The following RHBDL1 variants were observed in gnomAD, a reference collection of about 807,000 sequenced individuals.
The protein encoded by RHBDL1 is rhomboid-related protein 1.
In RHBDL1, 21 loss-of-function variants were observed where a neutral mutation model predicts 34.0. The observed-to-expected ratio is 0.62, with a 90% confidence interval of 0.44 to 0.89. The LOEUF is 0.89. Ranked by LOEUF, RHBDL1 falls within the 40% of genes least tolerant of loss-of-function variation. The pLI, the probability that RHBDL1 is intolerant of heterozygous loss-of-function variation, is 0.00. For missense variants in RHBDL1, 450 were observed against 530.6 expected, an observed-to-expected ratio of 0.85 and a Z score of 1.49; for synonymous variants, 268 against 234.8, an observed-to-expected ratio of 1.14 and a Z score of -1.29.
Position 675,743 on chromosome 16 carries a change from TCCCG to T in RHBDL1, c.-47_-44del. 1.5e-6 allele frequency: 2 copies of T among 1,317,984 alleles called. No individual in the cohort carries two copies. Among genetic ancestry groups the T allele is most frequent in the South Asian group, 2.9e-5 (2 of 69,438 alleles). 81.6% of individuals were successfully genotyped at this position (1,317,984 alleles called of 1,614,324 possible). ...GCGGAGTCGTCCGCAGAGCAGCCCC[TCCCG>T]GCCGCGGCCGCCGACCCCGGACCCC... On this transcript the variant is annotated 5_prime_UTR_variant, in exon 1 of 8. Coordinates refer to ENST00000352681, the MANE Select transcript of RHBDL1 (RefSeq NM_001278720.2).
chr16:677,161 C>CATT (rs1357264703), intron 4 of RHBDL1, 42 bp downstream of exon 4: 1 of 1,583,114 alleles, frequency 6.3e-7, no homozygotes, highest in Admixed American at 1.7e-5. Flanking sequence ...CCCAACCTGC[C>CATT]ATTACATCAG....
At position 677,655 on chromosome 16, in the gene RHBDL1, G is replaced by A. The variant is rs1338990779; in HGVS notation, c.806G>A (p.Arg269Lys). 6.4e-7 allele frequency: 1 copy of A among 1,571,524 alleles called. No individual in the cohort carries two copies. The highest frequency in any genetic ancestry group is 2.3e-5 in the East Asian group (1 of 44,436). ...ANVVMNWAGM[R>K]CPYKLLRMVL... ...CACCCATAGAACTGGGCTGGGATGA[G>A]ATGTCCCTACAAGTTGCTGAGGATG... Residue 269 changes from arginine (R) to lysine (K), a missense_variant, in exon 7 of 8, where the codon AGA becomes AAA. By Grantham distance (26) the Arg-to-Lys change is conservative. Transcript: ENST00000352681.
rs912212032 is a variant in RHBDL1, at chr16:678,183, G to A, written c.*131G>A. The A allele has an allele frequency of 3.6e-6, 5 of 1,397,342 alleles. No individual in the cohort carries two copies. The African/African-American group carries it at 7.4e-5, about 21-fold the overall frequency. 86.6% of individuals were successfully genotyped at this position (1,397,342 alleles called of 1,614,324 possible). A position where few individuals can be genotyped will look rare whatever the true frequency, so the allele number is the denominator to read the frequency against. ...CCCTTGGGTGTGGGTGGCCTCAAAG[G>A]AGGCCCTGTCCCAGCCACCCACCCC... On this transcript the variant is annotated 3_prime_UTR_variant, in exon 8 of 8. Coordinates refer to ENST00000352681, the MANE Select transcript of RHBDL1 (RefSeq NM_001278720.2).
Position 678,211 on chromosome 16 carries a change from A to G in RHBDL1, c.*159A>G, listed in dbSNP as rs2039588430. ...GCCCTGTCCCAGCCACCCACCCCCC[A>G]CTCCCAGGACTTGCGGTCTGAGCCT... On this transcript the variant is annotated 3_prime_UTR_variant, in exon 8 of 8. Transcript: ENST00000352681. The G allele has an allele frequency of 7.3e-7, 1 of 1,372,136 alleles. No individual in the cohort carries two copies. The highest frequency in any genetic ancestry group is 1.8e-5 in the South Asian group (1 of 55,498). 85.0% of individuals were successfully genotyped at this position (1,372,136 alleles called of 1,614,324 possible). A position where few individuals can be genotyped will look rare whatever the true frequency, so the allele number is the denominator to read the frequency against.
chr16:675,759 C>G lies in RHBDL1; in HGVS notation c.-32C>G, dbSNP rs1567274257. ...AGCAGCCCCTCCCGGCCGCGGCCGC[C>G]GACCCCGGACCCCGGCCCCCGGCCA... is the stretch of plus-strand genomic sequence containing the variant. On this transcript the variant is annotated 5_prime_UTR_variant, in exon 1 of 8. Transcript: ENST00000352681. 1.2e-5 allele frequency: 17 copies of G among 1,434,012 alleles called. No individual in the cohort carries two copies. Among genetic ancestry groups the G allele is most frequent in the Non-Finnish European group, 1.5e-5 (16 of 1,087,166 alleles). 88.8% of individuals were successfully genotyped at this position (1,434,012 alleles called of 1,614,324 possible). A position where few individuals can be genotyped will look rare whatever the true frequency, so the allele number is the denominator to read the frequency against.
chr16:675,909 C>T, intron 1 of RHBDL1, 80 bp downstream of exon 1: 23 of 1,431,888 alleles, frequency 1.6e-5, no homozygotes, highest in South Asian at 5.6e-5. Context: ...TGTGCGGGAC[C>T]GAGCTCCCCG....
In RHBDL1 at chr16:677,492, C is replaced by A; in HGVS notation, c.722C>A (p.Ala241Asp). The change falls in exon 6 of 8, where the codon GCC becomes GAC. Residue 241 changes from alanine to aspartate, a missense_variant. Coordinates refer to ENST00000352681, the MANE Select transcript of RHBDL1 (RefSeq NM_001278720.2). ...ACCGTCTCCATCACCGACATGCGGG[C>A]CCCGGTGGTGGGAGGCTCCGGCGGG... is the stretch of plus-strand genomic sequence containing the variant. ...SLTVSITDMRAPVVGGSGGVY... is the reference protein window; with the variant it reads ...SLTVSITDMRDPVVGGSGGVY... 6.2e-7 allele frequency: 1 copy of A among 1,608,828 alleles called. No homozygotes were observed. Among genetic ancestry groups the A allele is most frequent in the Non-Finnish European group, 8.5e-7 (1 of 1,179,664 alleles).
At position 676,320 on chromosome 16, in the gene RHBDL1, C is replaced by G. The variant is rs144739170; in HGVS notation, c.40-16C>G. ...GGGCCCGCACTCAGGCCTTGGCTGG[C>G]GGCTCCTCACTGCAGCAGCTGGACC... On this transcript the variant is annotated splice_polypyrimidine_tract_variant and intron_variant, in intron 1 of 7. Coordinates refer to ENST00000352681, the MANE Select transcript of RHBDL1 (RefSeq NM_001278720.2). The surrounding 1 kb of genome is among the most constrained non-coding windows in gnomAD (Gnocchi z 6.9). 6.2e-7 allele frequency: 1 copy of G among 1,606,458 alleles called. No homozygotes were observed. Among genetic ancestry groups the G allele is most frequent in the Middle Eastern group, 1.7e-4 (1 of 6,048 alleles).
chr16:677,536 G>A lies in RHBDL1; in HGVS notation c.766G>A (p.Ala256Thr), dbSNP rs2039570278. The A allele has an allele frequency of 1.2e-6, 2 of 1,609,988 alleles. No individual in the cohort carries two copies. The highest frequency in any genetic ancestry group is 8.5e-7 in the Non-Finnish European group (1 of 1,179,542). The stretch of plus-strand genomic sequence containing the variant: ...CGGCGGGGTCTACGCCCTGTGCTCG[G>A]CACACCTGGCCAACGTTGTCATGGT... ...GSGGVYALCS[A>T]HLANVVMNWA... The change falls in exon 6 of 8, where the codon GCA becomes ACA. Residue 256 changes from alanine to threonine, a missense_variant. Coordinates refer to ENST00000352681, the MANE Select transcript of RHBDL1 (RefSeq NM_001278720.2).
intron 7 of RHBDL1, 27 bp downstream of exon 7, chr16:677,726 G>A: frequency 3.3e-6 from 5 of 1,524,482 alleles, no homozygotes; most frequent in Non-Finnish European, 4.4e-6. Flanking sequence ...GGGAGGGCCG[G>A]GGGGCCTCTC....
chr16:677,634 C>T lies in RHBDL1; in HGVS notation c.790-5C>T. The T allele has an allele frequency of 6.3e-7, 1 of 1,591,050 alleles. No individual in the cohort carries two copies. Among genetic ancestry groups the T allele is most frequent in the Non-Finnish European group, 8.6e-7 (1 of 1,167,410 alleles). The stretch of plus-strand genomic sequence containing the variant: ...TCACCACTTCTCGTCTGCACACACC[C>T]ATAGAACTGGGCTGGGATGAGATGT... On this transcript the variant is annotated splice_region_variant and splice_polypyrimidine_tract_variant and intron_variant, in intron 6 of 7. Coordinates refer to ENST00000352681, the MANE Select transcript of RHBDL1 (RefSeq NM_001278720.2).
In RHBDL1 at chr16:677,984, C is replaced by CTCTTCGCCGTCTTCTGGAACG; in HGVS notation, c.1063_1083dup (p.Val355_Ala361dup). 1 of 1,601,028 alleles carries CTCTTCGCCGTCTTCTGGAACG rather than the reference C, an allele frequency of 6.2e-7. No homozygotes were observed. The highest frequency in any genetic ancestry group is 8.5e-7 in the Non-Finnish European group (1 of 1,179,176). Reference sequence around the variant, plus strand: ...GCTGCTGGCCTACGGCACCTTCCTGCTCTTCGCCGTCTTCTGGAACGTCTT... The same window carrying CTCTTCGCCGTCTTCTGGAACG: ...GCTGCTGGCCTACGGCACCTTCCTGCTCTTCGCCGTCTTCTGGAACGTCTTCGCCGTCTTCTGGAACGTCTT... On this transcript the variant is annotated inframe_insertion, in exon 8 of 8. Transcript: ENST00000352681.
Position 677,805 on chromosome 16 carries a change from T to C in RHBDL1, c.875T>C (p.Val292Ala). 6 of 1,560,112 alleles carry C rather than the reference T, an allele frequency of 3.8e-6. No homozygotes were observed. The highest frequency in any genetic ancestry group is 3.5e-6 in the Non-Finnish European group (4 of 1,157,966). ...GTGAGCTCCGAGGTGGGCCGGGCCG[T>C]GTGGCTGCGCTTCTCCCCGCCGCTG... Reference protein sequence around the residue: ...VCMSSEVGRAVWLRFSPPLPA... With the variant: ...VCMSSEVGRAAWLRFSPPLPA... Residue 292 changes from valine to alanine, a missense_variant, in exon 8 of 8, where the codon GTG becomes GCG. Val to Ala is a moderately conservative substitution (Grantham distance 64). Transcript: ENST00000352681.
Position 677,535 on chromosome 16 carries a change from G to C in RHBDL1, c.765G>C (p.Ser255=), listed in dbSNP as rs367633660. 1.7e-5 allele frequency: 27 copies of C among 1,609,914 alleles called. No homozygotes were observed. The highest frequency in any genetic ancestry group is 2.2e-5 in the Non-Finnish European group (26 of 1,179,570). ...GGSGGVYALC[S]AHLANVVMNW... Reference sequence around the variant, plus strand: ...CCGGCGGGGTCTACGCCCTGTGCTCGGCACACCTGGCCAACGTTGTCATGG... The same window carrying C: ...CCGGCGGGGTCTACGCCCTGTGCTCCGCACACCTGGCCAACGTTGTCATGG... The change falls in exon 6 of 8, where the codon TCG becomes TCC. Residue 255 remains serine (S), a synonymous_variant. Transcript: ENST00000352681.
rs745511087 is a variant in RHBDL1, at chr16:677,016, C to A, written c.472C>A (p.Leu158Met). 21 of 1,612,906 alleles carry A rather than the reference C, an allele frequency of 1.3e-5. No homozygotes were observed. Among genetic ancestry groups the A allele is most frequent in the Non-Finnish European group, 1.8e-5 (21 of 1,179,958 alleles). Residue 158 changes from leucine (L) to methionine (M), a missense_variant, in exon 4 of 8, where the codon CTG (leucine) becomes ATG (methionine). Transcript: ENST00000352681. ...CGGGGCCCGCCTCAACAAGTGGGTG[C>A]TGCAGACCTACCACCCCGAGTACAT... ...CYGARLNKWV[L>M]QTYHPEYMKS...
chr16:676,710 T>G lies in RHBDL1; in HGVS notation c.240T>G (p.Ile80Met). The change falls in exon 3 of 8, where the codon ATT becomes ATG. Residue 80 changes from isoleucine (I) to methionine (M), a missense_variant. Physicochemically the swap from Ile to Met is conservative, Grantham distance 10. Coordinates refer to ENST00000352681, the MANE Select transcript of RHBDL1 (RefSeq NM_001278720.2). The surrounding 1 kb of genome is among the most constrained non-coding windows in gnomAD (Gnocchi z 6.9). ...SKRSSSFKRA[I>M]ANGQRALPRD... ...GCTCCAGCAGTTTCAAGCGGGCCAT[T>G]GCTAACGGACAGCGGGCACTGCCCC... 1 of 1,612,232 alleles carries G rather than the reference T, an allele frequency of 6.2e-7. No homozygotes were observed.
Position 676,355 on chromosome 16 carries a change from C to G in RHBDL1, c.59C>G (p.Thr20Arg). 6.2e-7 allele frequency: 1 copy of G among 1,610,684 alleles called. No individual in the cohort carries two copies. Among genetic ancestry groups the G allele is most frequent in the Non-Finnish European group, 8.5e-7 (1 of 1,179,288 alleles). Residue 20 changes from threonine to arginine, a missense_variant, in exon 2 of 8, where the codon ACA (threonine) becomes AGA (arginine). Thr to Arg is a moderately conservative substitution (Grantham distance 71). Coordinates refer to ENST00000352681, the MANE Select transcript of RHBDL1 (RefSeq NM_001278720.2). The surrounding 1 kb of genome is among the most constrained non-coding windows in gnomAD (Gnocchi z 6.9). ...CTGCAGCAGCTGGACCCCGAGAACACAGGCTTCATCGGTGCGGACACCTTC... is the reference window on the plus strand; with the variant it reads ...CTGCAGCAGCTGGACCCCGAGAACAGAGGCTTCATCGGTGCGGACACCTTC... ...IQEQQLDPEN[T>R]GFIGADTFTG...
chr16:677,279 G>A lies in RHBDL1; in HGVS notation c.579G>A (p.Leu193=). ...FLTYMFMHVG[L]EQLGFNALLQ... ...CCGTTTGCTTCCCTGTGGCCAGGCT[G>A]GAGCAGCTGGGGTTCAACGCCCTCC... Residue 193 remains leucine (L), a synonymous_variant, in exon 5 of 8, where the codon CTG becomes CTA. Coordinates refer to ENST00000352681, the MANE Select transcript of RHBDL1 (RefSeq NM_001278720.2). 1 of 1,563,978 alleles carries A rather than the reference G, an allele frequency of 6.4e-7. No homozygotes were observed. The highest frequency in any genetic ancestry group is 8.7e-7 in the Non-Finnish European group (1 of 1,154,960).
chr16:675,752 C>T lies in RHBDL1; in HGVS notation c.-39C>T, dbSNP rs2039520398. On this transcript the variant is annotated 5_prime_UTR_variant, in exon 1 of 8. Coordinates refer to ENST00000352681, the MANE Select transcript of RHBDL1 (RefSeq NM_001278720.2). ...TCCGCAGAGCAGCCCCTCCCGGCCG[C>T]GGCCGCCGACCCCGGACCCCGGCCC... is the stretch of plus-strand genomic sequence containing the variant. 13 of 1,392,608 alleles carry T rather than the reference C, an allele frequency of 9.3e-6. No homozygotes were observed. The highest frequency in any genetic ancestry group is 5.6e-5 in the South Asian group (4 of 71,702). The allele number at this position is 1,392,608 out of a possible 1,614,324, so 86.3% of individuals were successfully genotyped here.
Sources: allele counts gnomAD v4.1 joint callset, GRCh38; gene constraint gnomAD v4.1.1; non-coding constraint Gnocchi (gnomAD v3.1); transcripts MANE v1.5; gene names NCBI Gene and HGNC (gene_info 2026-07-23, HGNC 2026-07-21).